The following GRAMD1A variants were observed in gnomAD, a reference collection of about 807,000 sequenced individuals.
GRAMD1A encodes the protein GRAM domain containing 1A, also known as protein Aster-A.
A neutral mutation model predicts 92.0 loss-of-function variants in GRAMD1A; 50 were observed. That is an observed-to-expected ratio of 0.54 (90% CI 0.43 to 0.69). The LOEUF is 0.69. Ranked by LOEUF, GRAMD1A falls within the 30% of genes least tolerant of loss-of-function variation. The pLI, the probability that GRAMD1A is intolerant of heterozygous loss-of-function variation, is 0.00. For missense variants in GRAMD1A, 819 were observed against 978.9 expected, an observed-to-expected ratio of 0.84 and a Z score of 2.18; for synonymous variants, 405 against 403.6, an observed-to-expected ratio of 1.00 and a Z score of -0.04.
chr19:35,014,457 G>T, intron 10 of GRAMD1A, 70 bp downstream of exon 10: 1 of 1,353,968 alleles, frequency 7.4e-7, no homozygotes, highest in Non-Finnish European at 1.1e-6. Context: ...AGCAAGAGGG[G>T]ATGGATTCGC....
intron 10 of GRAMD1A, chr19:35,014,636 A>T (rs1279365362): frequency 7.2e-6 from 4 of 557,604 alleles, no homozygotes; most frequent in African/African-American, 5.6e-5. Flanking sequence ...TGACCATGTC[A>T]CGTGGGCAAA....
In GRAMD1A at chr19:35,009,258, G is replaced by T; in HGVS notation, c.148G>T (p.Glu50Ter). Residue 50 changes from glutamate (E) to a stop codon, truncating the protein, a stop_gained, in exon 2 of 20, where the codon GAG becomes TAG. Coordinates refer to ENST00000317991, the MANE Select transcript of GRAMD1A (RefSeq NM_020895.5). LOFTEE classifies it high-confidence loss of function. Reference protein sequence around the residue: ...MVEKGSDSSSEKGGVPGTPST... With the variant: ...MVEKGSDSSS ...GGAGAAGGGATCAGATAGCTCCTCA[G>T]AGAAGGGTGGGGTGCCTGGGACCCC... 1 of 1,614,130 alleles carries T rather than the reference G, an allele frequency of 6.2e-7. No homozygotes were observed. The highest frequency in any genetic ancestry group is 8.5e-7 in the Non-Finnish European group (1 of 1,180,006).
intron 9 of GRAMD1A, 37 bp from the exon 10 acceptor site, chr19:35,014,152 G>A (rs2015454811): frequency 6.3e-7 from 1 of 1,576,956 alleles, no homozygotes; most frequent in Non-Finnish European, 8.7e-7. Flanking sequence ...GGGCTGGGAT[G>A]GAGGTGGCCA....
Position 35,009,137 on chromosome 19 carries a change from C to T in GRAMD1A, c.27C>T (p.Gly9=). 3.7e-6 allele frequency: 6 copies of T among 1,613,230 alleles called. No homozygotes were observed. Among genetic ancestry groups the T allele is most frequent in the Non-Finnish European group, 5.1e-6 (6 of 1,179,216 alleles). Residue 9 remains glycine (G), a synonymous_variant, in exon 2 of 20, where the codon GGC becomes GGT. Transcript: ENST00000317991. MFDTTPHS[G]RSTPSSSPSL... Reference sequence around the variant, plus strand: ...CCCCCAGCACCACACCCCACTCTGGCCGGAGCACGCCAAGCAGCTCCCCAT... The same window carrying T: ...CCCCCAGCACCACACCCCACTCTGGTCGGAGCACGCCAAGCAGCTCCCCAT...
rs534542163 is a variant in GRAMD1A at position 35,026,441 on chromosome 19, G to A, written c.*300G>A. The stretch of plus-strand genomic sequence containing the variant: ...TAATGTATTATATTTATTTGGGGCC[G>A]ACAGTGCCCCAATAAAGGGTCAGAA... On this transcript the variant is annotated 3_prime_UTR_variant, in exon 20 of 20. Transcript: ENST00000317991. 1.0e-5 allele frequency: 4 copies of A among 383,918 alleles called. No individual in the cohort carries two copies. The highest frequency in any genetic ancestry group is 1.4e-5 in the Non-Finnish European group (3 of 211,024). The allele number at this position is 383,918 out of a possible 1,614,324, so 23.8% of individuals were successfully genotyped here. A position where few individuals can be genotyped will look rare whatever the true frequency, so the allele number is the denominator to read the frequency against.
At chr19:35,016,088 CA>C in intron 11 of GRAMD1A, 121 bp downstream of exon 11, 1 of 1,050,902 alleles carries the variant, frequency 9.5e-7, no homozygotes, top group Non-Finnish European at 1.4e-6. Context: ...TGGTGAAAAG[CA>C]ATGTCTGTCA....
chr19:35,007,759 G>A (rs932851798), intron 1 of GRAMD1A, among the ~76,000 whole-genome samples: 1 of 152,020 alleles, frequency 6.6e-6, no homozygotes, highest in African/African-American at 2.4e-5. Context: ...TGCAGTCCCA[G>A]CTACCCGGGA....
At chr19:35,004,802 G>A (rs925292404) in intron 1 of GRAMD1A, among the ~76,000 whole-genome samples, 4 of 152,188 alleles carry the variant, frequency 2.6e-5, no homozygotes, top group Non-Finnish European at 5.9e-5. Flanking sequence ...CTGTGGGAGG[G>A]AAAGCAGCGT....
At chr19:35,011,585 G>C in intron 7 of GRAMD1A, 31 bp downstream of exon 7, 1 of 1,527,888 alleles carries the variant, frequency 6.5e-7, no homozygotes, top group Non-Finnish European at 9.0e-7. Flanking sequence ...GGTGGGGATG[G>C]GGGGTTTCCA....
Position 35,021,407 on chromosome 19 carries a change from C to T in GRAMD1A, c.1476-95C>T. On this transcript the variant is annotated intron_variant, in intron 13 of 19. Transcript: ENST00000317991. This position sits in a 1 kb window ranked among gnomAD's most constrained non-coding sequence, Gnocchi z 5.3. ...GTCTGTGAGTGACAAGGGGCCCTCT[C>T]TGAATTAGGGGAAGGAAAAAACTCA... The T allele has an allele frequency of 1.1e-6, 1 of 907,162 alleles. No individual in the cohort carries two copies. Among genetic ancestry groups the T allele is most frequent in the Non-Finnish European group, 1.8e-6 (1 of 549,528 alleles). The allele number at this position is 907,162 out of a possible 1,614,324, so 56.2% of individuals were successfully genotyped here.
chr19:34,996,331 G>A, upstream of GRAMD1A: 1 of 1,434,924 alleles, frequency 7.0e-7, no homozygotes, highest in Non-Finnish European at 9.2e-7. Context: ...GGGTCTCTCT[G>A]TCTAGGGAGG....
chr19:35,017,078 G>T (rs1273347784), intron 11 of GRAMD1A, among the ~76,000 whole-genome samples: 2 of 151,678 alleles, frequency 1.3e-5, no homozygotes, highest in African/African-American at 4.8e-5. Flanking sequence ...TGGAGGCTCA[G>T]GTGAGAGAAT....
chr19:35,010,082 C>A lies in GRAMD1A; in HGVS notation c.326-10C>A. On this transcript the variant is annotated splice_polypyrimidine_tract_variant and intron_variant, in intron 4 of 19. Transcript: ENST00000317991. ...TTGGGTGTCCTCCTGTCTCTCCCCGCCCCTCTCAGATTACTCCTGCGCCCT... is the reference window on the plus strand; with the variant it reads ...TTGGGTGTCCTCCTGTCTCTCCCCGACCCTCTCAGATTACTCCTGCGCCCT... The A allele has an allele frequency of 1.3e-6, 2 of 1,588,980 alleles. No individual in the cohort carries two copies. Among genetic ancestry groups the A allele is most frequent in the Non-Finnish European group, 8.6e-7 (1 of 1,157,060 alleles).
In GRAMD1A at chr19:35,014,455, G is replaced by T. The variant is rs1349467348; in HGVS notation, c.1069+68G>T. 2.2e-6 allele frequency: 3 copies of T among 1,386,090 alleles called. No homozygotes were observed. In the East Asian group the frequency reaches 6.9e-5, roughly 32 times the overall value. 85.9% of individuals were successfully genotyped at this position (1,386,090 alleles called of 1,614,324 possible). Reference sequence around the variant, plus strand: ...AGCCTCGCTCAGTCTTAAGCAAGAGGGGATGGATTCGCCCGCAGCACTGAG... The same window carrying T: ...AGCCTCGCTCAGTCTTAAGCAAGAGTGGATGGATTCGCCCGCAGCACTGAG... On this transcript the variant is annotated intron_variant, in intron 10 of 19. Coordinates refer to ENST00000317991, the MANE Select transcript of GRAMD1A (RefSeq NM_020895.5).
chr19:35,009,487 G>T (rs767490115), intron 3 of GRAMD1A, 44 bp downstream of exon 3: 1 of 1,607,262 alleles, frequency 6.2e-7, no homozygotes, highest in South Asian at 1.1e-5. Flanking sequence ...TGGGAGGACC[G>T]GGTGCTGGGC....
intron 11 of GRAMD1A, among the ~76,000 whole-genome samples, chr19:35,016,205 T>A (rs537815471): frequency 3.9e-5 from 6 of 152,218 alleles, no homozygotes; most frequent in Non-Finnish European, 8.8e-5. Flanking sequence ...ATGATAATAG[T>A]ACCTGGCTTA....
intron 19 of GRAMD1A, 101 bp downstream of exon 19, chr19:35,023,648 T>C (rs1413900864): frequency 5.4e-6 from 6 of 1,120,866 alleles, no homozygotes; most frequent in Non-Finnish European, 7.4e-6. Flanking sequence ...CGGATCTCAG[T>C]GTCCTCCTCT....
At position 35,023,231 on chromosome 19, in the gene GRAMD1A, C is replaced by G; in HGVS notation, c.1854-5C>G. The G allele has an allele frequency of 1.2e-6, 2 of 1,611,374 alleles. No homozygotes were observed. The highest frequency in any genetic ancestry group is 2.2e-5 in the South Asian group (2 of 91,028). On this transcript the variant is annotated splice_region_variant and splice_polypyrimidine_tract_variant and intron_variant, in intron 17 of 19. Coordinates refer to ENST00000317991, the MANE Select transcript of GRAMD1A (RefSeq NM_020895.5). The stretch of plus-strand genomic sequence containing the variant: ...GGAATCCTGACCTCTGACCCCTGTC[C>G]CCAGCCTTATCATCCTCATCGCCCT...
At position 35,021,716 on chromosome 19, in the gene GRAMD1A, G is replaced by A. The variant is rs1382919567; in HGVS notation, c.1605G>A (p.Lys535=). 3 of 1,613,970 alleles carry A rather than the reference G, an allele frequency of 1.9e-6. No individual in the cohort carries two copies. The highest frequency in any genetic ancestry group is 2.5e-6 in the Non-Finnish European group (3 of 1,180,032). ...HLERELAKAE[K]LSLEEGGKDA... ...AGCGAGAGCTCGCCAAGGCTGAGAAGCTGTCTCTGGAGGAAGGCGGGAAGG... is the reference window on the plus strand; with the variant it reads ...AGCGAGAGCTCGCCAAGGCTGAGAAACTGTCTCTGGAGGAAGGCGGGAAGG... The change falls in exon 15 of 20, where the codon AAG becomes AAA. Residue 535 remains lysine, a synonymous_variant. Coordinates refer to ENST00000317991, the MANE Select transcript of GRAMD1A (RefSeq NM_020895.5). The surrounding 1 kb of genome is among the most constrained non-coding windows in gnomAD (Gnocchi z 5.3).
Sources: allele counts gnomAD v4.1 joint callset (sites outside exome capture counted in the v4.1 genomes callset), GRCh38; gene constraint gnomAD v4.1.1; non-coding constraint Gnocchi (gnomAD v3.1); transcripts MANE v1.5; gene names NCBI Gene and HGNC (gene_info 2026-07-23, HGNC 2026-07-21).